BPTF: variants seen among roughly 807,000 people sequenced by gnomAD.
BPTF encodes bromodomain PHD finger transcription factor.
A neutral mutation model predicts 292.5 loss-of-function variants in BPTF; 18 were observed. The ratio of observed to expected loss-of-function variants is 0.06; its 90% CI spans 0.04 to 0.09. The LOEUF (loss-of-function observed/expected upper bound fraction) is 0.09, where lower values mean the gene tolerates loss of function less well. Ranked by LOEUF, BPTF falls within the 10% of genes least tolerant of loss-of-function variation. BPTF has a pLI of 1.00. For missense variants in BPTF, 2,726 were observed against 3,498.7 expected (o/e 0.78, Z 5.57); for synonymous variants, 1,225 against 1,251.9 (o/e 0.98, Z 0.45).
intron 7 of BPTF, among the ~76,000 whole-genome samples, chr17:67,900,232 G>A (rs931402233): frequency 1.3e-5 from 2 of 152,016 alleles, no homozygotes; most frequent in Non-Finnish European, 2.9e-5. Context: ...AGCCTGCTGA[G>A]TAGCTGGGAT....
chr17:67,833,094 G>T (rs769020340), intron 1 of BPTF, among the ~76,000 whole-genome samples: 1 of 151,836 alleles, frequency 6.6e-6, no homozygotes, highest in African/African-American at 2.4e-5. Flanking sequence ...ACTGCGCCCC[G>T]CCTGATTTGC....
rs1555671490 is a variant in BPTF, at chr17:67,940,587, A to G, written c.6408A>G (p.Gln2136=). 1 of 1,613,336 alleles carries G rather than the reference A, an allele frequency of 6.2e-7. No individual in the cohort carries two copies. The highest frequency in any genetic ancestry group is 8.5e-7 in the Non-Finnish European group (1 of 1,179,922). ...STSNIQSSAS[Q]PPRPQQGQVK... ...CAAATATACAGTCTTCAGCCTCACA[A>G]CCCCCTCGCCCCCAACAAGGACAAG... Residue 2136 remains glutamine, a synonymous_variant, in exon 19 of 28, where the codon CAA becomes CAG. Coordinates refer to ENST00000306378, the MANE Select transcript of BPTF (RefSeq NM_182641.4).
chr17:67,883,519 A>AGG (rs2060556578), intron 4 of BPTF, among the ~76,000 whole-genome samples: 1 of 152,132 alleles, frequency 6.6e-6, no homozygotes, highest in Non-Finnish European at 1.5e-5. Flanking sequence ...TTCTCTCTCT[A>AGG]GGTAACCATG....
intron 2 of BPTF, among the ~76,000 whole-genome samples, chr17:67,865,981 A>G (rs1228751070): frequency 7.2e-6 from 1 of 138,074 alleles, no homozygotes; most frequent in Non-Finnish European, 1.5e-5. Context: ...TTAGCTGGGT[A>G]TCGTGGCACA....
At chr17:67,917,796 C>T (rs1299752542) in intron 11 of BPTF, among the ~76,000 whole-genome samples, 1 of 151,850 alleles carries the variant, frequency 6.6e-6, no homozygotes, top group Non-Finnish European at 1.5e-5. Context: ...CCATGCCCAA[C>T]TAAGTTTTGT....
intron 14 of BPTF, 107 bp from the exon 15 acceptor site, chr17:67,924,440 A>C (rs184327904): frequency 1.2e-5 from 13 of 1,119,936 alleles, no homozygotes; most frequent in Middle Eastern, 2.6e-4. Flanking sequence ...AAATTGAGAT[A>C]ATATCATACC....
chr17:67,933,020 G>A (rs963418392), intron 18 of BPTF, among the ~76,000 whole-genome samples: 2 of 152,058 alleles, frequency 1.3e-5, no homozygotes, highest in African/African-American at 2.4e-5. Context: ...GGGAAGCCAA[G>A]GCAGGCCAGA....
intron 3 of BPTF, among the ~76,000 whole-genome samples, chr17:67,873,992 C>CTGGATGGATGGA (rs34261763): frequency 0.032 from 4,766 of 150,422 alleles, 275 homozygotes; most frequent in African/African-American, 0.11. Context: ...TAAGAAAATG[C>CTGGATGGATGGA]TGGATGGATG....
intron 1 of BPTF, among the ~76,000 whole-genome samples, chr17:67,828,444 G>A (rs542711155): frequency 6.6e-6 from 1 of 152,218 alleles, no homozygotes; most frequent in East Asian, 1.9e-4. Flanking sequence ...AAGATTGATG[G>A]GTGTGCATAT....
chr17:67,936,053 T>A (rs2064887811), intron 18 of BPTF, among the ~76,000 whole-genome samples: 1 of 152,176 alleles, frequency 6.6e-6, no homozygotes, highest in Admixed American at 6.5e-5. Context: ...AATTACAGAC[T>A]TCATGGTTTT....
chr17:67,903,921 A>G lies in BPTF; in HGVS notation c.2673+3A>G. 1 of 1,581,616 alleles carries G rather than the reference A, an allele frequency of 6.3e-7. No individual in the cohort carries two copies. The highest frequency in any genetic ancestry group is 1.2e-5 in the South Asian group (1 of 83,354). On this transcript the variant is annotated splice_donor_region_variant and intron_variant, in intron 8 of 27. Transcript: ENST00000306378. ...ACACATTTCCAGTTAAGCATCAGGTAATTTTTACAACAACCCTTTAAAATA... is the reference window on the plus strand; with the variant it reads ...ACACATTTCCAGTTAAGCATCAGGTGATTTTTACAACAACCCTTTAAAATA...
chr17:67,846,787 G>T (rs2058059704), intron 1 of BPTF, among the ~76,000 whole-genome samples: 1 of 152,148 alleles, frequency 6.6e-6, no homozygotes, highest in South Asian at 2.1e-4. Context: ...TGCAACCTCT[G>T]CCCTTTGGGT....
chr17:67,879,431 C>T (rs1018399861), intron 4 of BPTF, among the ~76,000 whole-genome samples: 6 of 152,290 alleles, frequency 3.9e-5, no homozygotes, highest in Middle Eastern at 3.4e-3. Flanking sequence ...TGAGCCACCG[C>T]GCCCGGCTAG....
rs552836995 is a variant in BPTF at position 67,835,569 on chromosome 17, CAT to C, written c.613+9233_613+9234del. Among the ~76,000 whole-genome samples, 9 of 152,020 alleles carry C rather than the reference CAT, an allele frequency of 5.9e-5. No individual in the cohort carries two copies. The South Asian group carries it at 1.2e-3, about 21-fold the overall frequency. ...GCATTTCTGCAATAAGATTTGGGGT[CAT>C]GTGTGAGATGACTTTCCATTATTTG... On this transcript the variant is annotated intron_variant, in intron 1 of 27. Transcript: ENST00000306378.
At chr17:67,946,958 G>T (rs765517394) in intron 21 of BPTF, among the ~76,000 whole-genome samples, 1 of 152,150 alleles carries the variant, frequency 6.6e-6, no homozygotes, top group Non-Finnish European at 1.5e-5. Flanking sequence ...AGCTTGCTTC[G>T]CTCAGCACTA....
chr17:67,847,477 G>A (rs1441376412), intron 1 of BPTF, among the ~76,000 whole-genome samples: 1 of 151,622 alleles, frequency 6.6e-6, no homozygotes, highest in Non-Finnish European at 1.5e-5. Context: ...TCGCGCCACT[G>A]CACTCCAGCG....
Position 67,912,079 on chromosome 17 carries a change from G to A in BPTF, c.4195G>A (p.Gly1399Arg). Residue 1399 changes from glycine (G) to arginine (R), a missense_variant, in exon 11 of 28, where the codon GGA becomes AGA. By Grantham distance (125) the Gly-to-Arg change is moderately radical (BLOSUM62 -2). Around this residue, in one of 22 missense-constraint regions of BPTF, gnomAD observed 713 missense variants for 714.9 expected, o/e 1.00. Coordinates refer to ENST00000306378, the MANE Select transcript of BPTF (RefSeq NM_182641.4). ...NNENRESEKK[G>R]QRTSTFQING... ...TGAAAATCGAGAGTCTGAAAAGAAA[G>A]GACAGAGAACAAGTACATTTCAAAT... 2 of 1,609,412 alleles carry A rather than the reference G, an allele frequency of 1.2e-6. No individual in the cohort carries two copies. Among genetic ancestry groups the A allele is most frequent in the Non-Finnish European group, 8.5e-7 (1 of 1,178,540 alleles).
At chr17:67,919,861 G>T (rs755578868) in intron 12 of BPTF, among the ~76,000 whole-genome samples, 154 bp from the exon 13 acceptor site, 66 of 152,340 alleles carry the variant, frequency 4.3e-4, no homozygotes, top group Non-Finnish European at 7.1e-4. Context: ...CAGTCTAGCA[G>T]TGATCCTGCT....
At chr17:67,827,632 C>T (rs952823138) in intron 1 of BPTF, among the ~76,000 whole-genome samples, 5 of 152,052 alleles carry the variant, frequency 3.3e-5, no homozygotes, top group African/African-American at 7.2e-5. Flanking sequence ...TAAGGTGTGT[C>T]ATGTCTTTCT....
Sources: gnomAD v4.1 joint callset for allele counts (sites outside exome capture counted in the v4.1 genomes callset) on GRCh38, gnomAD v4.1.1 for gene constraint, gnomAD v4.1.1 regional missense constraint, MANE v1.5 for transcripts, NCBI Gene and HGNC (gene_info 2026-07-23, HGNC 2026-07-21) for gene names.